The following MUSK variants were observed in gnomAD, a reference collection of about 807,000 sequenced individuals.
The protein encoded by MUSK is muscle associated receptor tyrosine kinase, also known as muscle, skeletal receptor tyrosine-protein kinase.
MUSK carries 55 observed loss-of-function variants against 88.7 expected under a neutral mutation model. The ratio of observed to expected loss-of-function variants is 0.62; its 90% CI spans 0.50 to 0.78. MUSK has a LOEUF of 0.78. MUSK is among the 30% of genes least tolerant of loss of function. The pLI is 0.00. For synonymous variants in MUSK, 387 were observed against 391.9 expected (o/e 0.99, Z 0.15); for missense variants, 1,015 against 1,074.3 (o/e 0.94, Z 0.77).
chr9:110,778,219 C>CT (rs1564286541), intron 11 of MUSK, among the ~76,000 whole-genome samples: 1 of 151,976 alleles, frequency 6.6e-6, no homozygotes, highest in African/African-American at 2.4e-5. Flanking sequence ...AGTAGTTTTT[C>CT]TTTTTTATAA....
chr9:110,764,654 G>A (rs1393816509), intron 8 of MUSK, among the ~76,000 whole-genome samples: 1 of 151,990 alleles, frequency 6.6e-6, no homozygotes, highest in Non-Finnish European at 1.5e-5. Context: ...TAGATCATCG[G>A]TCTTGTGTGT....
At chr9:110,689,638 A>G (rs1481760659) in intron 3 of MUSK, among the ~76,000 whole-genome samples, 8 of 36,606 alleles carry the variant, frequency 2.2e-4, no homozygotes, top group Non-Finnish European at 5.4e-5. Flanking sequence ...ATATTAGTAT[A>G]TATTAGTAAT....
rs1022889116 is a variant in MUSK, at chr9:110,803,221, G to A, written c.*2233G>A. ...AGCATTTATTGAAATCTTACCATGT[G>A]TATTCTGAGGCCTTTAAATATATGA... On this transcript the variant is annotated 3_prime_UTR_variant, in exon 15 of 15. Transcript: ENST00000374448. Among the ~76,000 whole-genome samples the A allele has an allele frequency of 1.3e-5, 2 of 152,174 alleles. No homozygotes were observed. The highest frequency in any genetic ancestry group is 6.5e-5 in the Admixed American group (1 of 15,280).
intron 6 of MUSK, among the ~76,000 whole-genome samples, chr9:110,743,925 C>T (rs2077135725): frequency 6.6e-6 from 1 of 151,508 alleles, no homozygotes; most frequent in Admixed American, 6.6e-5. Context: ...GACATTATTA[C>T]AACTGCATAA....
intron 1 of MUSK, among the ~76,000 whole-genome samples, chr9:110,673,615 T>G (rs2075988728): frequency 1.3e-5 from 2 of 152,274 alleles, no homozygotes; most frequent in South Asian, 4.2e-4. Context: ...TCCAAGACAT[T>G]CTAAGACTCA....
Position 110,803,017 on chromosome 9 carries a change from G to A in MUSK, c.*2029G>A, listed in dbSNP as rs1461099176. Among the ~76,000 whole-genome samples the A allele has an allele frequency of 1.3e-5, 2 of 152,220 alleles. No homozygotes were observed. Among genetic ancestry groups the A allele is most frequent in the Non-Finnish European group, 2.9e-5 (2 of 68,044 alleles). ...AAAAGTTGGAGAGGGCCACCAGCAAGTCTAGAACTTGAGCATAGATATCCA... is the reference window on the plus strand; with the variant it reads ...AAAAGTTGGAGAGGGCCACCAGCAAATCTAGAACTTGAGCATAGATATCCA... On this transcript the variant is annotated 3_prime_UTR_variant, in exon 15 of 15. Coordinates refer to ENST00000374448, the MANE Select transcript of MUSK (RefSeq NM_005592.4).
chr9:110,726,291 A>G (rs1162652380), intron 5 of MUSK, among the ~76,000 whole-genome samples: 1 of 152,054 alleles, frequency 6.6e-6, no homozygotes, highest in Non-Finnish European at 1.5e-5. Flanking sequence ...CTTACAGTGG[A>G]TGAAATAGGT....
chr9:110,699,943 G>T (rs1444334779), intron 5 of MUSK, among the ~76,000 whole-genome samples: 1 of 152,204 alleles, frequency 6.6e-6, no homozygotes. Flanking sequence ...GGTACCATGT[G>T]TTAACTAAAT....
At chr9:110,672,562 A>C (rs1219104982) in intron 1 of MUSK, among the ~76,000 whole-genome samples, 1 of 152,166 alleles carries the variant, frequency 6.6e-6, no homozygotes, top group East Asian at 1.9e-4. Context: ...GCGTACCATG[A>C]GATACAGATT....
In MUSK at chr9:110,803,510, C is replaced by T. The variant is rs1188175211; in HGVS notation, c.*2522C>T. Among the ~76,000 whole-genome samples the T allele has an allele frequency of 6.6e-6, 1 of 152,172 alleles. No homozygotes were observed. The highest frequency in any genetic ancestry group is 2.4e-5 in the African/African-American group (1 of 41,428). The stretch of plus-strand genomic sequence containing the variant: ...ACCACTATACTGTAGAGCCTCTGTA[C>T]ATGATAGAAGCAATAACTGAACCTC... On this transcript the variant is annotated 3_prime_UTR_variant, in exon 15 of 15. Transcript: ENST00000374448.
In MUSK at chr9:110,800,296, T is replaced by C; in HGVS notation, c.1928-10T>C. The stretch of plus-strand genomic sequence containing the variant: ...AACTGAGACTAACAGGGATGGTCTT[T>C]TGGTTCCAGGAGTGTGTGCTGTCGG... On this transcript the variant is annotated splice_polypyrimidine_tract_variant and intron_variant, in intron 14 of 14. Coordinates refer to ENST00000374448, the MANE Select transcript of MUSK (RefSeq NM_005592.4). 1 of 1,592,458 alleles carries C rather than the reference T, an allele frequency of 6.3e-7. No homozygotes were observed. Among genetic ancestry groups the C allele is most frequent in the South Asian group, 1.1e-5 (1 of 88,742 alleles).
At chr9:110,681,034 T>TA (rs2076108364) in intron 1 of MUSK, among the ~76,000 whole-genome samples, 2 of 43,940 alleles carry the variant, frequency 4.6e-5, no homozygotes, top group African/African-American at 1.4e-4. Context: ...ATATATTATA[T>TA]ATTATATAAT....
In MUSK at chr9:110,695,518, C is replaced by T. The variant is rs973667318; in HGVS notation, c.474C>T (p.Asp158=). ...PKPSVSWIKG[D]SPLRENSRIA... is the part of the protein sequence containing the mutation. Reference sequence around the variant, plus strand: ...CATCAGTGTCTTGGATAAAGGGAGACAGCCCTCTCAGGGTAAGTGGTTATG... The same window carrying T: ...CATCAGTGTCTTGGATAAAGGGAGATAGCCCTCTCAGGGTAAGTGGTTATG... The change falls in exon 4 of 15, where the codon GAC becomes GAT. Residue 158 remains aspartate, a synonymous_variant. Coordinates refer to ENST00000374448, the MANE Select transcript of MUSK (RefSeq NM_005592.4). The T allele has an allele frequency of 5.8e-6, 9 of 1,561,394 alleles. No individual in the cohort carries two copies. The highest frequency in any genetic ancestry group is 2.4e-5 in the South Asian group (2 of 83,742).
chr9:110,689,374 A>G (rs1189602332), intron 3 of MUSK, among the ~76,000 whole-genome samples: 8 of 118,174 alleles, frequency 6.8e-5, no homozygotes, highest in African/African-American at 2.4e-4. Context: ...ATATTTATAT[A>G]TATGTAAAAA....
rs1564302062 is a variant in MUSK at position 110,801,699 on chromosome 9, T to C, written c.*711T>C. On this transcript the variant is annotated 3_prime_UTR_variant, in exon 15 of 15. Coordinates refer to ENST00000374448, the MANE Select transcript of MUSK (RefSeq NM_005592.4). ...TGTCATGAATTAAGTCTGCTTATTTTATTCCTCCAGTTTTCTTGAAACAAG... is the reference window on the plus strand; with the variant it reads ...TGTCATGAATTAAGTCTGCTTATTTCATTCCTCCAGTTTTCTTGAAACAAG... 6.6e-6 allele frequency: 1 copy of C among 152,238 alleles called. No homozygotes were observed. Among genetic ancestry groups the C allele is most frequent in the East Asian group, 1.9e-4 (1 of 5,200 alleles). 9.4% of individuals were successfully genotyped at this position (152,238 alleles called of 1,614,324 possible). A position where few individuals can be genotyped will look rare whatever the true frequency, so the allele number is the denominator to read the frequency against.
intron 8 of MUSK, among the ~76,000 whole-genome samples, chr9:110,766,590 T>A (rs1369220538): frequency 6.6e-6 from 1 of 152,350 alleles, no homozygotes; most frequent in East Asian, 1.9e-4. Flanking sequence ...CTCATTCCAA[T>A]GAATTTGCTT....
chr9:110,721,775 C>A (rs193003991), intron 5 of MUSK, among the ~76,000 whole-genome samples: 9 of 152,214 alleles, frequency 5.9e-5, no homozygotes, highest in African/African-American at 2.2e-4. Flanking sequence ...AAAGAGCCCA[C>A]ATGGCCAAAG....
chr9:110,675,009 C>T (rs2076006037), intron 1 of MUSK, among the ~76,000 whole-genome samples: 1 of 152,046 alleles, frequency 6.6e-6, no homozygotes, highest in Admixed American at 6.6e-5. Flanking sequence ...ATTATAGAAT[C>T]AAGTAACATT....
chr9:110,785,315 G>T (rs1588038064), intron 12 of MUSK, among the ~76,000 whole-genome samples: 1 of 152,308 alleles, frequency 6.6e-6, no homozygotes, highest in Middle Eastern at 3.4e-3. Context: ...GCCATTGCTG[G>T]CTTGGAGAGC....
Sources: allele counts gnomAD v4.1 joint callset (sites outside exome capture counted in the v4.1 genomes callset), GRCh38; gene constraint gnomAD v4.1.1; transcripts MANE v1.5; gene names NCBI Gene and HGNC (gene_info 2026-07-23, HGNC 2026-07-21).